TENM2: variants seen among roughly 807,000 people sequenced by gnomAD.
TENM2 encodes teneurin transmembrane protein 2.
TENM2 carries 52 observed loss-of-function variants against 245.2 expected under a neutral mutation model. The ratio of observed to expected loss-of-function variants is 0.21; its 90% confidence interval spans 0.17 to 0.27. The LOEUF is 0.27. Among genes scored for constraint, TENM2 ranks in the 10% least tolerant of loss-of-function variants. The pLI, the probability that TENM2 is intolerant of heterozygous loss-of-function variation, is 1.00. For missense variants in TENM2, 3,046 were observed against 3,666.8 expected (o/e 0.83, Z 4.37); for synonymous variants, 1,363 against 1,438.9 (o/e 0.95, Z 1.19).
chr5:167,941,716 T>C (rs1779194182), intron 3 of TENM2, among the ~76,000 whole-genome samples: 1 of 148,350 alleles, frequency 6.7e-6, no homozygotes, highest in African/African-American at 2.5e-5. Context: ...TAGCCAGGCA[T>C]GGTGGTATGT....
chr5:167,025,043 T>G, the TENM2 span, among the ~76,000 whole-genome samples: 1 of 152,162 alleles, frequency 6.6e-6, no homozygotes, highest in Non-Finnish European at 1.5e-5. Context: ...TTTATCCAGC[T>G]TCCAGTTGAT....
At chr5:168,186,671 A>G (rs2152502226) in intron 13 of TENM2, 1 of 152,298 alleles carries the variant, frequency 6.6e-6, no homozygotes, top group South Asian at 2.1e-4. Flanking sequence ...AACCAGACTA[A>G]CAAATAAGTA....
the TENM2 span, among the ~76,000 whole-genome samples, chr5:167,232,388 C>T: frequency 0.82 from 116,232 of 141,062 alleles, 45,750 homozygotes; most frequent in East Asian, 0.9. Flanking sequence ...TTTTTTTTTT[C>T]CCAAGACAGA....
chr5:167,856,127 C>CAATGCCACATATGCCA (rs1180172461), intron 2 of TENM2, among the ~76,000 whole-genome samples: 2 of 152,154 alleles, frequency 1.3e-5, no homozygotes, highest in African/African-American at 4.8e-5. Context: ...CATATGCCAC[C>CAATGCCACATATGCCA]TCTTTGCTTA....
intron 2 of TENM2, among the ~76,000 whole-genome samples, chr5:167,435,550 A>G (rs894901552): frequency 5.3e-5 from 8 of 152,202 alleles, no homozygotes; most frequent in African/African-American, 7.2e-5. Flanking sequence ...CTCTGGGGGT[A>G]TGTTTTTATC....
At chr5:168,126,759 T>C in exon 12 of TENM2, 2 of 1,609,834 alleles carry the variant, frequency 1.2e-6, no homozygotes, top group Non-Finnish European at 1.7e-6. Context: ...TCCAGAAGTG[T>C]GCTCAGTAGA....
At chr5:168,223,376 G>A (rs775315337) in intron 23 of TENM2, among the ~76,000 whole-genome samples, 10 of 151,994 alleles carry the variant, frequency 6.6e-5, no homozygotes, top group Admixed American at 2.6e-4. Context: ...TAGACACCCC[G>A]TATCCAAATA....
intron 2 of TENM2, among the ~76,000 whole-genome samples, chr5:167,548,960 T>G (rs1772751936): frequency 6.6e-6 from 1 of 152,236 alleles, no homozygotes; most frequent in Non-Finnish European, 1.5e-5. Flanking sequence ...TAGAGCAGCC[T>G]TTGAACTACA....
chr5:168,146,934 C>A (rs941225125), intron 12 of TENM2, among the ~76,000 whole-genome samples: 2 of 152,220 alleles, frequency 1.3e-5, no homozygotes, highest in South Asian at 4.1e-4. Flanking sequence ...GGGGACCCCC[C>A]CTTCACCTGT....
chr5:167,832,943 A>G lies in TENM2; in HGVS notation c.503-43043A>G, dbSNP rs62382854. On this transcript the variant is annotated intron_variant, in intron 2 of 28. Coordinates refer to ENST00000518659, the Ensembl canonical transcript of TENM2. Reference sequence around the variant, plus strand: ...CAGGGCTTTTTTTTCCTGCAGAGCCAATTTCTAAGCCTTTATCAGCACATC... The same window carrying G: ...CAGGGCTTTTTTTTCCTGCAGAGCCGATTTCTAAGCCTTTATCAGCACATC... Among the ~76,000 whole-genome samples, 4 of 152,110 alleles carry G rather than the reference A, an allele frequency of 2.6e-5. No individual in the cohort carries two copies. In the East Asian group the frequency reaches 7.7e-4, roughly 29 times the overall value.
chr5:167,912,474 C>A (rs1161768503), intron 3 of TENM2, among the ~76,000 whole-genome samples: 1 of 152,182 alleles, frequency 6.6e-6, no homozygotes, highest in East Asian at 1.9e-4. Flanking sequence ...TGTTCTCCAG[C>A]AGGTAGTACA....
At chr5:167,690,786 C>T (rs544220138) in intron 2 of TENM2, among the ~76,000 whole-genome samples, 10 of 152,044 alleles carry the variant, frequency 6.6e-5, no homozygotes, top group South Asian at 2.1e-4. Flanking sequence ...ATTTTGTCAC[C>T]GCTTAAAAGG....
At chr5:167,986,450 C>G (rs1783253128) in intron 4 of TENM2, among the ~76,000 whole-genome samples, 1 of 152,142 alleles carries the variant, frequency 6.6e-6, no homozygotes, top group Non-Finnish European at 1.5e-5. Context: ...ACCAAAGCTC[C>G]CATCCCCCGC....
intron 2 of TENM2, among the ~76,000 whole-genome samples, chr5:167,667,704 G>C (rs1178536699): frequency 6.6e-6 from 1 of 152,164 alleles, no homozygotes; most frequent in African/African-American, 2.4e-5. Context: ...TCTCACTAAT[G>C]TCCACTCCTG....
chr5:167,956,096 T>A (rs1012677076), intron 4 of TENM2, among the ~76,000 whole-genome samples: 1 of 152,190 alleles, frequency 6.6e-6, no homozygotes, highest in African/African-American at 2.4e-5. Flanking sequence ...ATTCTTCCTA[T>A]CCATGAGCAT....
At chr5:167,714,303 C>T (rs1474491777) in intron 2 of TENM2, among the ~76,000 whole-genome samples, 1 of 152,214 alleles carries the variant, frequency 6.6e-6, no homozygotes, top group Non-Finnish European at 1.5e-5. Flanking sequence ...TTTTAAGTTG[C>T]TTCTTCTGCA....
rs897081158 is a variant in TENM2, at chr5:168,200,151, A to T, written c.3430+20A>T. ...CTGTTGGTATGTTTTGGTTTCAACC[A>T]CTTATTGATCAATGGATTTAGTCAT... On this transcript the variant is annotated intron_variant, in intron 17 of 28. Transcript: ENST00000518659. 1.2e-6 allele frequency: 2 copies of T among 1,604,010 alleles called. No homozygotes were observed. The highest frequency in any genetic ancestry group is 2.7e-5 in the African/African-American group (2 of 74,740).
chr5:167,038,863 C>G, the TENM2 span, among the ~76,000 whole-genome samples: 1 of 152,024 alleles, frequency 6.6e-6, no homozygotes, highest in Non-Finnish European at 1.5e-5. Flanking sequence ...TTGAGATTTG[C>G]TTTTTATCTC....
At chr5:168,078,328 A>G (rs560282202) in intron 7 of TENM2, among the ~76,000 whole-genome samples, 1 of 152,296 alleles carries the variant, frequency 6.6e-6, no homozygotes, top group Admixed American at 6.5e-5. Flanking sequence ...TCTGGATATT[A>G]GCCCTTTTTC....
Sources: gnomAD v4.1 joint callset for allele counts (sites outside exome capture counted in the v4.1 genomes callset) on GRCh38, gnomAD v4.1.1 for gene constraint, MANE v1.5 for transcripts, NCBI Gene and HGNC (gene_info 2026-07-23, HGNC 2026-07-21) for gene names.